Variants in SOX6 observed in about 807,000 individuals in gnomAD.
The protein encoded by SOX6 is transcription factor SOX-6.
A neutral mutation model predicts 97.8 loss-of-function variants in SOX6; 11 were observed. The ratio of observed to expected loss-of-function variants is 0.11; its 90% CI spans 0.07 to 0.19. The LOEUF (loss-of-function observed/expected upper bound fraction) is 0.19. Among genes scored for constraint, SOX6 ranks in the 10% least tolerant of loss-of-function variants. SOX6 has a pLI of 1.00. For missense variants in SOX6, 810 were observed against 1,039.5 expected, an observed-to-expected ratio of 0.78 and a Z score of 3.04; for synonymous variants, 360 against 371.4, an observed-to-expected ratio of 0.97 and a Z score of 0.35.
chr11:16,413,246 T>C (rs1314257044), intron 1 of SOX6, among the ~76,000 whole-genome samples: 1 of 152,166 alleles, frequency 6.6e-6, no homozygotes, highest in Non-Finnish European at 1.5e-5. Flanking sequence ...AGAATAAAAG[T>C]ATTCTTCATT....
intron 6 of SOX6, among the ~76,000 whole-genome samples, chr11:16,140,539 C>G (rs1850104388): frequency 6.6e-6 from 1 of 152,068 alleles, no homozygotes; most frequent in Non-Finnish European, 1.5e-5. Flanking sequence ...CATATCATTG[C>G]ATATTTATGA....
intron 12 of SOX6, among the ~76,000 whole-genome samples, chr11:16,045,022 C>T (rs1490787038): frequency 1.3e-5 from 2 of 152,100 alleles, no homozygotes; most frequent in African/African-American, 4.8e-5. Flanking sequence ...CCTCATCTCT[C>T]ATCCCTCTCC....
intron 9 of SOX6, among the ~76,000 whole-genome samples, chr11:16,060,941 G>A (rs1051958912): frequency 6.6e-6 from 1 of 151,648 alleles, no homozygotes; most frequent in Non-Finnish European, 1.5e-5. Context: ...ATGGTGCCTT[G>A]CAAATAACAG....
intron 12 of SOX6, among the ~76,000 whole-genome samples, chr11:16,024,138 T>G (rs1402607893): frequency 6.6e-6 from 1 of 152,122 alleles, no homozygotes; most frequent in Non-Finnish European, 1.5e-5. Context: ...ACCAGGGATG[T>G]GTGCACATGG....
intron 6 of SOX6, among the ~76,000 whole-genome samples, chr11:16,121,032 T>A: frequency 6.6e-6 from 1 of 152,116 alleles, no homozygotes; most frequent in Admixed American, 6.6e-5. Context: ...TGTGTTAACA[T>A]CTCTTTTTAT....
chr11:16,486,956 A>G (rs1255569243), intron 4 of SOX6, among the ~76,000 whole-genome samples: 4 of 152,080 alleles, frequency 2.6e-5, no homozygotes, highest in Admixed American at 2.0e-4. Flanking sequence ...ACACAAACCA[A>G]TCAATTCTAT....
intron 2 of SOX6, among the ~76,000 whole-genome samples, chr11:16,717,797 C>T (rs568077387): frequency 5.3e-5 from 8 of 151,700 alleles, no homozygotes; most frequent in African/African-American, 1.7e-4. Flanking sequence ...CACAAAAATT[C>T]AAGGATATAA....
intron 3 of SOX6, among the ~76,000 whole-genome samples, chr11:16,705,420 T>G (rs574678153): frequency 6.6e-6 from 1 of 152,196 alleles, no homozygotes; most frequent in East Asian, 1.9e-4. Context: ...ATGCCAGGAA[T>G]TCAAGATCAG....
At chr11:16,623,866 C>T (rs1457047494) in intron 3 of SOX6, among the ~76,000 whole-genome samples, 4 of 152,126 alleles carry the variant, frequency 2.6e-5, no homozygotes, top group Admixed American at 6.5e-5. Flanking sequence ...TGTTTCTTGC[C>T]TTTGTGTTCT....
At chr11:16,282,802 T>A (rs944622506) in intron 3 of SOX6, among the ~76,000 whole-genome samples, 8 of 151,006 alleles carry the variant, frequency 5.3e-5, no homozygotes, top group African/African-American at 1.9e-4. Flanking sequence ...ATTTTGACAA[T>A]CCATTACTAC....
Position 16,522,130 on chromosome 11 carries a change from C to T in SOX6, n.610-45742G>A, listed in dbSNP as rs371258439. On this transcript the variant is annotated intron_variant and non_coding_transcript_variant, in intron 4 of 5. Coordinates refer to the SOX6 transcript ENST00000524520. ...ATTCACATTCAGGAAATACAGAGAA[C>T]GCCACAAAGATACTCCTCAAGAAGA... Among the ~76,000 whole-genome samples, 228 of 152,078 alleles carry T rather than the reference C, an allele frequency of 1.5e-3. 1 individual carries two copies. The South Asian group carries it at 0.016, about 11-fold the overall frequency.
intron 4 of SOX6, among the ~76,000 whole-genome samples, chr11:16,500,196 C>T (rs1860679295): frequency 6.6e-6 from 1 of 152,110 alleles, no homozygotes; most frequent in African/African-American, 2.4e-5. Flanking sequence ...ATAAACAGAA[C>T]CAATGACAAA....
chr11:16,306,371 G>C (rs950996390), intron 3 of SOX6, among the ~76,000 whole-genome samples: 8 of 152,148 alleles, frequency 5.3e-5, no homozygotes, highest in African/African-American at 1.9e-4. Context: ...GTACAGGTTT[G>C]AGTATTAATA....
chr11:16,624,275 C>A (rs544775712), intron 3 of SOX6, among the ~76,000 whole-genome samples: 4 of 151,964 alleles, frequency 2.6e-5, no homozygotes, highest in Non-Finnish European at 5.9e-5. Context: ...GCAATCTCTG[C>A]CTTCCGGGTT....
chr11:16,257,354 G>GA lies in SOX6; in HGVS notation c.446-22684dup, dbSNP rs200992048. ...TCAGGACTGTGTGGTACTGGTAAAA[G>GA]AAAAAAAATCGTTGAATGGAACAGA... is the stretch of plus-strand genomic sequence containing the variant. On this transcript the variant is annotated intron_variant, in intron 3 of 15. Transcript: ENST00000683767. Among the ~76,000 whole-genome samples, 222 of 151,548 alleles carry GA rather than the reference G, an allele frequency of 1.5e-3. 2 individuals are homozygous for GA. The highest frequency in any genetic ancestry group is 4.8e-3 in the African/African-American group (198 of 41,430).
intron 13 of SOX6, among the ~76,000 whole-genome samples, chr11:15,999,372 G>C (rs910953524): frequency 6.6e-6 from 1 of 152,008 alleles, no homozygotes; most frequent in Non-Finnish European, 1.5e-5. Flanking sequence ...ACAAATTAAA[G>C]CTTCTGTCAA....
At chr11:16,720,925 A>G (rs2134053506) in intron 2 of SOX6, among the ~76,000 whole-genome samples, 1 of 152,276 alleles carries the variant, frequency 6.6e-6, no homozygotes, top group East Asian at 1.9e-4. Context: ...AAAATCTTAA[A>G]ACTGAGAAAA....
chr11:16,418,462 C>T (rs1858966416), intron 1 of SOX6, among the ~76,000 whole-genome samples: 2 of 152,004 alleles, frequency 1.3e-5, no homozygotes, highest in Non-Finnish European at 1.5e-5. Flanking sequence ...GAAACAATAC[C>T]ATTGAATGTT....
chr11:16,242,490 C>T (rs1159296035), intron 3 of SOX6, among the ~76,000 whole-genome samples: 1 of 151,820 alleles, frequency 6.6e-6, no homozygotes, highest in Non-Finnish European at 1.5e-5. Flanking sequence ...AAACTTCTTG[C>T]TTCATTGAAA....
Sources: allele counts gnomAD v4.1 joint callset (sites outside exome capture counted in the v4.1 genomes callset), GRCh38; gene constraint gnomAD v4.1.1; transcripts MANE v1.5; gene names NCBI Gene and HGNC (gene_info 2026-07-23, HGNC 2026-07-21).